ZNF420: variants seen among roughly 807,000 people sequenced by gnomAD.
ZNF420 encodes zinc finger protein 420, also known as ATM and p53-associated KZNF protein.
Under a neutral mutation model 44.7 loss-of-function variants are expected in ZNF420, and 31 were observed. The ratio of observed to expected loss-of-function variants is 0.69; its 90% CI spans 0.52 to 0.94. The LOEUF is 0.94. ZNF420 is among the 40% of genes least tolerant of loss of function. The pLI, the probability that ZNF420 is intolerant of heterozygous loss-of-function variation, is 0.00. For missense variants in ZNF420, 681 were observed against 827.9 expected (o/e 0.82, Z 2.18); for synonymous variants, 245 against 267.4 (o/e 0.92, Z 0.82).
At chr19:37,110,507 T>C (rs1048865814) in intron 4 of ZNF420, among the ~76,000 whole-genome samples, 4 of 152,256 alleles carry the variant, frequency 2.6e-5, no homozygotes, top group Non-Finnish European at 5.9e-5. Context: ...AATTAGTGTG[T>C]GCTCGAATAT....
intron 1 of ZNF420, among the ~76,000 whole-genome samples, chr19:37,058,698 C>CT (rs56154134): frequency 1.3e-5 from 2 of 152,010 alleles, no homozygotes; most frequent in East Asian, 3.9e-4. Context: ...TGTGTCCCCC[C>CT]GCATCCACCG....
intron 4 of ZNF420, among the ~76,000 whole-genome samples, chr19:37,100,399 G>C (rs1969701190): frequency 6.6e-6 from 1 of 152,074 alleles, no homozygotes; most frequent in African/African-American, 2.4e-5. Context: ...GATGCCTCCA[G>C]CTTGGTTCTT....
Position 37,129,877 on chromosome 19 carries a change from A to G in ZNF420, c.*819A>G, listed in dbSNP as rs145007753. On this transcript the variant is annotated 3_prime_UTR_variant, in exon 5 of 5. Coordinates refer to ENST00000337995, the MANE Select transcript of ZNF420 (RefSeq NM_144689.5). ...AGTCTAATAAATCTAGGAATTTTTT[A>G]AAAACTTGAATGTATTGCTTTTGAA... 244 of 1,041,008 alleles carry G rather than the reference A, an allele frequency of 2.3e-4. 1 individual carries two copies. In the African/African-American group the frequency reaches 3.5e-3, roughly 15 times the overall value. 64.5% of individuals were successfully genotyped at this position (1,041,008 alleles called of 1,614,324 possible). A position where few individuals can be genotyped will look rare whatever the true frequency, so the allele number is the denominator to read the frequency against.
At chr19:37,015,398 CCCAAGAACAGACG>C (rs1215509674) in intron 1 of ZNF420, among the ~76,000 whole-genome samples, 1 of 152,172 alleles carries the variant, frequency 6.6e-6, no homozygotes, top group Non-Finnish European at 1.5e-5. Context: ...GCACAACACA[CCCAAGAACAGACG>C]CCTCCTAGGG....
At chr19:37,123,263 CTTTGTATT>C (rs1454552623) in intron 4 of ZNF420, among the ~76,000 whole-genome samples, 1 of 152,188 alleles carries the variant, frequency 6.6e-6, no homozygotes, top group Non-Finnish European at 1.5e-5. Context: ...CATTAACTAT[CTTTGTATT>C]TACTAATTTT....
chr19:37,089,050 C>G lies in ZNF420; in HGVS notation c.-69C>G. 2 of 1,451,590 alleles carry G rather than the reference C, an allele frequency of 1.4e-6. No individual in the cohort carries two copies. The highest frequency in any genetic ancestry group is 1.9e-6 in the Non-Finnish European group (2 of 1,031,818). 89.9% of individuals were successfully genotyped at this position (1,451,590 alleles called of 1,614,324 possible). A position where few individuals can be genotyped will look rare whatever the true frequency, so the allele number is the denominator to read the frequency against. ...TTTCTCCTCCGTAGCTCTGCATTCT[C>G]CAGACTCTGTGCTTTCCTAAGATAG... On this transcript the variant is annotated 5_prime_UTR_variant, in exon 3 of 5. Transcript: ENST00000337995.
At chr19:37,102,183 C>T (rs762247594) in intron 4 of ZNF420, among the ~76,000 whole-genome samples, 15 of 116,044 alleles carry the variant, frequency 1.3e-4, no homozygotes, top group East Asian at 9.8e-4. Flanking sequence ...TGTCTCCCAC[C>T]GTGTCTACAC....
chr19:37,063,937 TAC>T (rs1352613363), intron 1 of ZNF420, among the ~76,000 whole-genome samples: 2 of 152,248 alleles, frequency 1.3e-5, no homozygotes, highest in South Asian at 2.1e-4. Flanking sequence ...TTTAGTCTGA[TAC>T]AGTTTCTCAG....
intron 4 of ZNF420, among the ~76,000 whole-genome samples, chr19:37,111,156 C>G (rs1237125039): frequency 6.6e-6 from 1 of 152,138 alleles, no homozygotes; most frequent in Non-Finnish European, 1.5e-5. Flanking sequence ...AACAATGATG[C>G]CTGTTGGAAA....
At chr19:37,106,249 C>T (rs1970078015) in intron 4 of ZNF420, among the ~76,000 whole-genome samples, 1 of 152,072 alleles carries the variant, frequency 6.6e-6, no homozygotes, top group East Asian at 1.9e-4. Context: ...TTGTCAAAGG[C>T]CTTTTCTGCA....
intron 1 of ZNF420, among the ~76,000 whole-genome samples, chr19:37,052,407 A>C (rs1967655538): frequency 6.6e-6 from 1 of 151,936 alleles, no homozygotes; most frequent in Non-Finnish European, 1.5e-5. Context: ...TGTCATTATG[A>C]TGTTAGCTGG....
intron 1 of ZNF420, among the ~76,000 whole-genome samples, chr19:37,045,718 T>C (rs1366348047): frequency 6.6e-6 from 1 of 152,244 alleles, no homozygotes; most frequent in African/African-American, 2.4e-5. Flanking sequence ...TGTTGATTGT[T>C]CATTCCAGGC....
intron 4 of ZNF420, among the ~76,000 whole-genome samples, chr19:37,099,376 A>T (rs192894351): frequency 6.6e-6 from 1 of 152,140 alleles, no homozygotes; most frequent in Admixed American, 6.5e-5. Context: ...AGCCATTCTA[A>T]CAGCAGTGAG....
At chr19:37,037,864 CTTG>C (rs1179223785) in intron 1 of ZNF420, among the ~76,000 whole-genome samples, 1 of 152,190 alleles carries the variant, frequency 6.6e-6, no homozygotes, top group African/African-American at 2.4e-5. Context: ...CGATATTCGC[CTTG>C]TTGTGGTGAC....
intron 4 of ZNF420, among the ~76,000 whole-genome samples, chr19:37,105,849 TA>T (rs1426152880): frequency 1.3e-5 from 2 of 152,214 alleles, no homozygotes; most frequent in East Asian, 3.8e-4. Context: ...TATTGGTGTA[TA>T]AGAATGCTTG....
intron 4 of ZNF420, among the ~76,000 whole-genome samples, chr19:37,097,293 A>G (rs1969512183): frequency 6.9e-6 from 1 of 144,840 alleles, no homozygotes; most frequent in Non-Finnish European, 1.5e-5. Context: ...TAATACTGAT[A>G]TATATTATAT....
At chr19:37,125,820 G>A (rs1315841650) in intron 4 of ZNF420, among the ~76,000 whole-genome samples, 3 of 152,166 alleles carry the variant, frequency 2.0e-5, no homozygotes, top group Admixed American at 1.3e-4. Context: ...CTGATTCAAA[G>A]ATGATTCAGA....
At chr19:37,012,103 A>C (rs2074573790) in intron 1 of ZNF420, among the ~76,000 whole-genome samples, 3 of 152,164 alleles carry the variant, frequency 2.0e-5, no homozygotes, top group Non-Finnish European at 2.9e-5. Flanking sequence ...CTGAGACCCT[A>C]GCAGGCGCCC....
chr19:37,012,766 CTGTGTGTGTGTGTGTG>C (rs1313118317), intron 1 of ZNF420, among the ~76,000 whole-genome samples: 1 of 48,082 alleles, frequency 2.1e-5, no homozygotes, highest in Non-Finnish European at 4.6e-5. Context: ...CTATATGTCT[CTGTGTGTGTGTGTGTG>C]TGTGTGTGTG....
Sources: gnomAD v4.1 joint callset for allele counts (sites outside exome capture counted in the v4.1 genomes callset) on GRCh38, gnomAD v4.1.1 for gene constraint, MANE v1.5 for transcripts, NCBI Gene and HGNC (gene_info 2026-07-23, HGNC 2026-07-21) for gene names.